Variants in AUTS2 observed in about 807,000 individuals in gnomAD.
AUTS2 encodes autism susceptibility gene 2 protein.
In AUTS2, 17 loss-of-function variants were observed where a neutral mutation model predicts 112.4. That is an observed-to-expected ratio of 0.15 (90% CI 0.10 to 0.23). AUTS2 has a LOEUF of 0.23. Among genes scored for constraint, AUTS2 ranks in the 10% least tolerant of loss-of-function variants. AUTS2 has a pLI of 1.00. For synonymous variants in AUTS2, 751 were observed against 702.7 expected, an observed-to-expected ratio of 1.07 and a Z score of -1.09; for missense variants, 1,510 against 1,701.6, an observed-to-expected ratio of 0.89 and a Z score of 1.98.
intron 5 of AUTS2, among the ~76,000 whole-genome samples, chr7:70,566,333 T>C (rs749570938): frequency 6.6e-6 from 1 of 152,208 alleles, no homozygotes; most frequent in Non-Finnish European, 1.5e-5. Context: ...AAAGGTGTAT[T>C]TCTTGTCTTT....
chr7:69,866,899 C>T (rs144040234), intron 1 of AUTS2, among the ~76,000 whole-genome samples: 14 of 152,206 alleles, frequency 9.2e-5, no homozygotes, highest in Admixed American at 7.2e-4. Context: ...CTGGGTTAGC[C>T]GGCTGGGGTT....
intron 2 of AUTS2, among the ~76,000 whole-genome samples, chr7:70,002,943 A>C (rs1344190934): frequency 6.6e-6 from 1 of 151,772 alleles, no homozygotes; most frequent in South Asian, 2.1e-4. Context: ...AACTTTATTC[A>C]AATAGGGATT....
In AUTS2 at chr7:69,768,214, C is replaced by T. The variant is rs961047121; in HGVS notation, c.310-131072C>T. ...CCCGAAATAGCCGTTTGACAACATC[C>T]AAGCCACTCACTCTCTCAGACTCTC... On this transcript the variant is annotated intron_variant, in intron 1 of 18. Coordinates refer to ENST00000342771, the MANE Select transcript of AUTS2 (RefSeq NM_015570.4). 2.0e-5 allele frequency among the ~76,000 whole-genome samples: 3 copies of T among 152,202 alleles called. No homozygotes were observed. In the East Asian group the frequency reaches 5.8e-4, roughly 29 times the overall value.
At chr7:70,278,540 G>A (rs1318616980) in intron 4 of AUTS2, among the ~76,000 whole-genome samples, 1 of 152,116 alleles carries the variant, frequency 6.6e-6, no homozygotes, top group Non-Finnish European at 1.5e-5. Flanking sequence ...GTGTGTCACT[G>A]CACTCCAGCC....
intron 4 of AUTS2, among the ~76,000 whole-genome samples, chr7:70,215,606 T>C (rs1432145500): frequency 1.3e-5 from 2 of 152,094 alleles, no homozygotes; most frequent in East Asian, 1.9e-4. Flanking sequence ...TAGTTGGCAG[T>C]GGGAAAAGTG....
chr7:69,617,666 C>G (rs1311913785), intron 1 of AUTS2, among the ~76,000 whole-genome samples: 3 of 152,162 alleles, frequency 2.0e-5, no homozygotes, highest in Admixed American at 6.5e-5. Context: ...CAAGGTCACC[C>G]AGCTGATGTA....
intron 2 of AUTS2, among the ~76,000 whole-genome samples, chr7:69,935,839 G>A (rs1162347414): frequency 4.6e-5 from 7 of 152,244 alleles, no homozygotes; most frequent in East Asian, 1.9e-4. Context: ...CTGGTTTAGC[G>A]GTTAGAGCCA....
chr7:70,146,600 G>C (rs1807136632), intron 4 of AUTS2, among the ~76,000 whole-genome samples: 1 of 151,662 alleles, frequency 6.6e-6, no homozygotes. Flanking sequence ...ACCTCCATTT[G>C]GTCCTATAAC....
intron 5 of AUTS2, among the ~76,000 whole-genome samples, chr7:70,588,909 G>A (rs1307896952): frequency 6.6e-6 from 1 of 151,940 alleles, no homozygotes; most frequent in Non-Finnish European, 1.5e-5. Context: ...TCTGAATTCG[G>A]GTATTTCTGG....
chr7:69,990,456 A>C (rs1366173206), intron 2 of AUTS2, among the ~76,000 whole-genome samples: 1 of 152,170 alleles, frequency 6.6e-6, no homozygotes, highest in Non-Finnish European at 1.5e-5. Context: ...AGGCCATTTC[A>C]CACTTGAAAG....
chr7:70,528,304 C>G (rs1799941694), intron 5 of AUTS2, among the ~76,000 whole-genome samples: 1 of 151,236 alleles, frequency 6.6e-6, no homozygotes, highest in South Asian at 2.1e-4. Flanking sequence ...AAAAAAAAAC[C>G]CAGGTAATGG....
chr7:70,194,266 T>A (rs1235781920), intron 4 of AUTS2, among the ~76,000 whole-genome samples: 1 of 151,968 alleles, frequency 6.6e-6, no homozygotes, highest in East Asian at 1.9e-4. Context: ...AAAAATTAGC[T>A]GGATGTGGTG....
At chr7:70,356,272 T>G (rs1792003863) in intron 4 of AUTS2, among the ~76,000 whole-genome samples, 1 of 152,204 alleles carries the variant, frequency 6.6e-6, no homozygotes, top group African/African-American at 2.4e-5. Context: ...GTATCAAGTT[T>G]CAGTCTGTCT....
At chr7:70,476,458 G>C (rs1797587217) in intron 5 of AUTS2, among the ~76,000 whole-genome samples, 1 of 152,216 alleles carries the variant, frequency 6.6e-6, no homozygotes, top group South Asian at 2.1e-4. Context: ...AGTCTTTCCA[G>C]CAGAGGTGAC....
Position 69,840,065 on chromosome 7 carries a change from C to A in AUTS2, c.310-59221C>A, listed in dbSNP as rs182140388. On this transcript the variant is annotated intron_variant, in intron 1 of 18. Transcript: ENST00000342771. ...CAGGAACTCTGATGGGGGTGGGCAG[C>A]GTCTTTGAAAACCTTTACTTCACTA... Among the ~76,000 whole-genome samples, 11 of 152,184 alleles carry A rather than the reference C, an allele frequency of 7.2e-5. No individual in the cohort carries two copies. In the South Asian group the frequency reaches 2.3e-3, roughly 32 times the overall value.
At chr7:69,837,932 G>T (rs746165312) in intron 1 of AUTS2, among the ~76,000 whole-genome samples, 1 of 152,298 alleles carries the variant, frequency 6.6e-6, no homozygotes, top group Non-Finnish European at 1.5e-5. Flanking sequence ...TTGAGCAGCA[G>T]CCTCTGCCTG....
In AUTS2 at chr7:70,640,114, A is replaced by T. The variant is rs568348927; in HGVS notation, c.691-58455A>T. Among the ~76,000 whole-genome samples the T allele has an allele frequency of 5.3e-5, 8 of 151,962 alleles. No homozygotes were observed. The East Asian group carries it at 1.2e-3, about 22-fold the overall frequency. The stretch of plus-strand genomic sequence containing the variant: ...CTCAGAGCAGATTTAATCCTATGGG[A>T]TGCATTTTGGTGGGCTAGGGGAGCA... On this transcript the variant is annotated intron_variant, in intron 5 of 18. Coordinates refer to ENST00000342771, the MANE Select transcript of AUTS2 (RefSeq NM_015570.4).
intron 1 of AUTS2, among the ~76,000 whole-genome samples, chr7:69,775,417 C>G (rs115946798): frequency 0.034 from 5,218 of 152,206 alleles, 130 homozygotes; most frequent in Middle Eastern, 0.082. Flanking sequence ...AACCTGATGA[C>G]TATCATATTT....
chr7:69,764,043 T>C (rs1386471425), intron 1 of AUTS2, among the ~76,000 whole-genome samples: 1 of 152,194 alleles, frequency 6.6e-6, no homozygotes, highest in Non-Finnish European at 1.5e-5. Context: ...GGGCAGGTCT[T>C]ATTTGTTTCT....
Sources: allele counts gnomAD v4.1 joint callset (sites outside exome capture counted in the v4.1 genomes callset), GRCh38; gene constraint gnomAD v4.1.1; transcripts MANE v1.5; gene names NCBI Gene and HGNC (gene_info 2026-07-23, HGNC 2026-07-21).